The following CHMP2B variants were observed in gnomAD, a reference collection of about 807,000 sequenced individuals.
CHMP2B encodes charged multivesicular body protein 2B, also known as VPS2 homolog B.
In CHMP2B, 22 loss-of-function variants were observed where a neutral mutation model predicts 29.8. The observed-to-expected ratio is 0.74, with a 90% CI of 0.53 to 1.05. The LOEUF (loss-of-function observed/expected upper bound fraction) is 1.05, where lower values mean the gene tolerates loss of function less well. Ranked by LOEUF, CHMP2B falls within the 50% of genes least tolerant of loss-of-function variation. CHMP2B has a pLI of 0.00. For missense variants in CHMP2B, 261 were observed against 252.2 expected (o/e 1.03, Z -0.24); for synonymous variants, 78 against 75.8 (o/e 1.03, Z -0.15).
chr3:87,229,287 CT>C (rs1705865042), intron 1 of CHMP2B, among the ~76,000 whole-genome samples: 2 of 152,084 alleles, frequency 1.3e-5, no homozygotes, highest in South Asian at 4.1e-4. Flanking sequence ...GCAGTTAATT[CT>C]TCCAAGAAAT....
chr3:87,231,295 T>C (rs1377059529), intron 1 of CHMP2B, among the ~76,000 whole-genome samples: 1 of 152,176 alleles, frequency 6.6e-6, no homozygotes, highest in Admixed American at 6.5e-5. Flanking sequence ...TCTTCCAGTG[T>C]TGACAGTGCT....
intron 1 of CHMP2B, among the ~76,000 whole-genome samples, chr3:87,229,932 A>C (rs184501801): frequency 6.6e-6 from 1 of 152,310 alleles, no homozygotes; most frequent in Admixed American, 6.5e-5. Context: ...AAAGATGAAC[A>C]AGTCTCTGCG....
intron 2 of CHMP2B, among the ~76,000 whole-genome samples, chr3:87,241,840 A>G (rs1706124349): frequency 6.6e-6 from 1 of 152,126 alleles, no homozygotes; most frequent in African/African-American, 2.4e-5. Flanking sequence ...TTGCTGGGTC[A>G]TAGGGTAAAT....
intron 3 of CHMP2B, among the ~76,000 whole-genome samples, chr3:87,248,555 C>T (rs1417266938): frequency 6.6e-6 from 1 of 151,840 alleles, no homozygotes; most frequent in Non-Finnish European, 1.5e-5. Flanking sequence ...TGGGTTTTCA[C>T]CGTGTTGGCT....
intron 2 of CHMP2B, among the ~76,000 whole-genome samples, chr3:87,244,564 T>C (rs1706179745): frequency 6.6e-6 from 1 of 152,114 alleles, no homozygotes; most frequent in African/African-American, 2.4e-5. Flanking sequence ...TTCTCTGTGG[T>C]TTTTTCTTTA....
At chr3:87,251,767 A>G (rs1235366290) in intron 4 of CHMP2B, among the ~76,000 whole-genome samples, 1 of 151,916 alleles carries the variant, frequency 6.6e-6, no homozygotes, top group African/African-American at 2.4e-5. Flanking sequence ...GATGAGCATT[A>G]TTACACTTTT....
At chr3:87,233,006 G>A (rs1056198203) in intron 1 of CHMP2B, among the ~76,000 whole-genome samples, 1 of 152,054 alleles carries the variant, frequency 6.6e-6, no homozygotes, top group Non-Finnish European at 1.5e-5. Context: ...TTTTGCTACC[G>A]CATATGCTAC....
At chr3:87,252,066 G>A (rs1706321693) in intron 4 of CHMP2B, among the ~76,000 whole-genome samples, 2 of 151,804 alleles carry the variant, frequency 1.3e-5, no homozygotes, top group African/African-American at 4.8e-5. Context: ...AAGACAAGAA[G>A]GAAGTATTTA....
chr3:87,240,605 AT>A, intron 1 of CHMP2B, 93 bp from the exon 2 acceptor site: 1 of 934,988 alleles, frequency 1.1e-6, no homozygotes, highest in Non-Finnish European at 1.8e-6. Context: ...CCAATATAAG[AT>A]TTTTTTAAAT....
chr3:87,253,533 GT>G (rs751018716), intron 5 of CHMP2B, 23 bp downstream of exon 5: 3 of 1,489,012 alleles, frequency 2.0e-6, no homozygotes, highest in Non-Finnish European at 9.4e-7. Flanking sequence ...TCTTTTCTTA[GT>G]TGGAAATAGT....
chr3:87,230,754 C>A (rs1477358523), intron 1 of CHMP2B, among the ~76,000 whole-genome samples: 1 of 152,112 alleles, frequency 6.6e-6, no homozygotes, highest in South Asian at 2.1e-4. Flanking sequence ...AGACTGCCTC[C>A]CCCACCTTAC....
intron 1 of CHMP2B, 64 bp downstream of exon 1, chr3:87,227,620 C>T: frequency 1.2e-6 from 2 of 1,600,122 alleles, no homozygotes; most frequent in South Asian, 2.2e-5. Context: ...TCGAGGCCTG[C>T]TGGCCGCGAT....
intron 3 of CHMP2B, 147 bp from the exon 4 acceptor site, chr3:87,249,727 TA>T (rs1203710901): frequency 8.0e-6 from 4 of 497,536 alleles, no homozygotes; most frequent in Non-Finnish European, 1.5e-5. Flanking sequence ...CATTTTTTTC[TA>T]GAATATTTAA....
Position 87,249,811 on chromosome 3 carries a change from C to T in CHMP2B, c.322-64C>T, listed in dbSNP as rs1010602841. 1.3e-5 allele frequency: 13 copies of T among 985,180 alleles called. No individual in the cohort carries two copies. In the African/African-American group the frequency reaches 1.5e-4, roughly 11 times the overall value. The allele number at this position is 985,180 out of a possible 1,614,324, so 61.0% of individuals were successfully genotyped here. ...CTATATTTGATGTGTTCCCTTTTGA[C>T]TTATTTCATAGTAAAATTTTCATAA... On this transcript the variant is annotated intron_variant, in intron 3 of 5. Transcript: ENST00000263780.
chr3:87,235,989 T>G (rs1706001420), intron 1 of CHMP2B, among the ~76,000 whole-genome samples: 1 of 152,206 alleles, frequency 6.6e-6, no homozygotes, highest in Non-Finnish European at 1.5e-5. Context: ...ATACAATTAG[T>G]AATAGCCAAA....
intron 3 of CHMP2B, among the ~76,000 whole-genome samples, chr3:87,248,305 A>G (rs112633003): frequency 4.0e-5 from 6 of 151,516 alleles, no homozygotes; most frequent in South Asian, 2.1e-4. Flanking sequence ...CTCAAAAAAA[A>G]AGAGAGAGAG....
intron 2 of CHMP2B, among the ~76,000 whole-genome samples, chr3:87,242,685 A>T (rs1706139937): frequency 1.3e-5 from 2 of 152,102 alleles, no homozygotes; most frequent in Admixed American, 1.3e-4. Context: ...TGCATATGGA[A>T]AGTCAGTTGT....
At chr3:87,246,424 A>C (rs1381338320) in intron 3 of CHMP2B, among the ~76,000 whole-genome samples, 3 of 152,184 alleles carry the variant, frequency 2.0e-5, no homozygotes. Flanking sequence ...GACATGAGCC[A>C]CCGCGCCCAG....
chr3:87,237,943 A>G (rs1706043720), intron 1 of CHMP2B, among the ~76,000 whole-genome samples: 1 of 152,182 alleles, frequency 6.6e-6, no homozygotes, highest in African/African-American at 2.4e-5. Context: ...TATTTCAACA[A>G]TAGGTAGAAT....
Sources: allele counts gnomAD v4.1 joint callset (sites outside exome capture counted in the v4.1 genomes callset), GRCh38; gene constraint gnomAD v4.1.1; transcripts MANE v1.5; gene names NCBI Gene and HGNC (gene_info 2026-07-23, HGNC 2026-07-21).